Variants in DENND4A observed in about 807,000 individuals in gnomAD.
DENND4A encodes DENN domain containing 4A, also known as C-myc promoter-binding protein.
Under a neutral mutation model 199.3 loss-of-function variants are expected in DENND4A, and 70 were observed. The observed-to-expected ratio is 0.35, with a 90% CI of 0.29 to 0.43. The LOEUF is 0.43. Among genes scored for constraint, DENND4A ranks in the 20% least tolerant of loss-of-function variants. The pLI is 1.00. For missense variants in DENND4A, 1,723 were observed against 2,255.8 expected (o/e 0.76, Z 4.78); for synonymous variants, 686 against 766.9 (o/e 0.89, Z 1.74).
At chr15:65,767,209 A>C (rs1002937740) in intron 1 of DENND4A, 3 of 152,246 alleles carry the variant, frequency 2.0e-5, no homozygotes, top group Admixed American at 2.0e-4. Context: ...TTTTAGAGCT[A>C]GGAAGGTCCT....
At position 65,671,881 on chromosome 15, in the gene DENND4A, G is replaced by C. The variant is rs767280071; in HGVS notation, c.4375C>G (p.Leu1459Val). The change falls in exon 25 of 33, where the codon CTG becomes GTG. Residue 1459 changes from leucine to valine, a missense_variant. This residue lies in a region of DENND4A where 650 missense variants were observed against 738.1 expected (regional missense o/e 0.88). Transcript: ENST00000443035. ...LESSASLEGSLSKFALPGKSE... is the reference protein window; with the variant it reads ...LESSASLEGSVSKFALPGKSE... Reference sequence around the variant, plus strand: ...TTCCCAGGTAAGGCAAACTTCGACAGAGATCCTGTTCATTAGTGAAAAACA... The same window carrying C: ...TTCCCAGGTAAGGCAAACTTCGACACAGATCCTGTTCATTAGTGAAAAACA... The C allele has an allele frequency of 6.3e-7, 1 of 1,595,030 alleles. No homozygotes were observed. Among genetic ancestry groups the C allele is most frequent in the Non-Finnish European group, 8.6e-7 (1 of 1,162,860 alleles).
intron 1 of DENND4A, among the ~76,000 whole-genome samples, chr15:65,764,043 T>C (rs2076921305): frequency 6.6e-6 from 1 of 152,232 alleles, no homozygotes; most frequent in Non-Finnish European, 1.5e-5. Context: ...GAAAATTATT[T>C]ATTTTATTGG....
chr15:65,728,467 CTTTTTCTT>C (rs1168019189), intron 11 of DENND4A, among the ~76,000 whole-genome samples: 6 of 149,270 alleles, frequency 4.0e-5, no homozygotes, highest in Admixed American at 2.0e-4. Context: ...GGCTAAATTT[CTTTTTCTT>C]TTTTTCTTTT....
At chr15:65,756,524 C>G in intron 2 of DENND4A, 52 bp from the exon 3 acceptor site, 1 of 1,376,536 alleles carries the variant, frequency 7.3e-7, no homozygotes, top group Non-Finnish European at 9.8e-7. Context: ...AAAATAAATA[C>G]AAGTGGTTTG....
chr15:65,667,600 T>G lies in DENND4A; in HGVS notation c.5090A>C (p.Asn1697Thr). ...TACTGTTATTGCATGATCACCTTCA[T>G]TTTCCAATAAGCTTTCAAGTTCTTT... ...VWKELESLLENEGDHAITVAD... is the reference protein window; with the variant it reads ...VWKELESLLETEGDHAITVAD... Residue 1697 changes from asparagine to threonine, a missense_variant, in exon 29 of 33, where the codon AAT becomes ACT. By Grantham distance (65) the Asn-to-Thr change is moderately conservative (BLOSUM62 0). Transcript: ENST00000443035. 6.2e-7 allele frequency: 1 copy of G among 1,614,004 alleles called. No individual in the cohort carries two copies. The highest frequency in any genetic ancestry group is 8.5e-7 in the Non-Finnish European group (1 of 1,179,884).
intron 1 of DENND4A, among the ~76,000 whole-genome samples, chr15:65,764,739 C>G (rs1051506473): frequency 7.2e-5 from 11 of 151,752 alleles, no homozygotes; most frequent in African/African-American, 2.7e-4. Flanking sequence ...TCTGGGAGAC[C>G]GAGGCAGAAG....
chr15:65,767,587 C>A (rs1222623669), intron 1 of DENND4A, among the ~76,000 whole-genome samples: 4 of 152,142 alleles, frequency 2.6e-5, no homozygotes, highest in Admixed American at 2.0e-4. Context: ...GGATTACAGG[C>A]ATGAACCACC....
At chr15:65,709,874 T>C (rs2075194243) in intron 14 of DENND4A, among the ~76,000 whole-genome samples, 1 of 151,662 alleles carries the variant, frequency 6.6e-6, no homozygotes, top group Admixed American at 6.6e-5. Flanking sequence ...AAGTATAATG[T>C]TAATTCATAT....
intron 2 of DENND4A, among the ~76,000 whole-genome samples, chr15:65,760,784 G>C (rs2076833777): frequency 6.6e-6 from 1 of 152,018 alleles, no homozygotes; most frequent in South Asian, 2.1e-4. Flanking sequence ...AGCTACTTGA[G>C]AGGCTGAGGA....
At chr15:65,720,323 T>A (rs531284134) in intron 12 of DENND4A, among the ~76,000 whole-genome samples, 39 of 152,234 alleles carry the variant, frequency 2.6e-4, no homozygotes, top group Non-Finnish European at 3.8e-4. Flanking sequence ...GAACAATTAA[T>A]CGTCTTCGAG....
intron 32 of DENND4A, 123 bp from the exon 33 acceptor site, chr15:65,662,110 T>A: frequency 1.3e-6 from 1 of 799,344 alleles, no homozygotes; most frequent in Middle Eastern, 3.0e-4. Context: ...GCTAGGACAT[T>A]TCTTTATCCA....
chr15:65,712,787 TTAAA>T (rs898550374), intron 14 of DENND4A, among the ~76,000 whole-genome samples: 16 of 152,158 alleles, frequency 1.1e-4, no homozygotes, highest in Admixed American at 9.2e-4. Flanking sequence ...ATGGACTTCT[TTAAA>T]TAATCTTAAC....
At chr15:65,786,016 T>C (rs1409206078) in intron 1 of DENND4A, among the ~76,000 whole-genome samples, 2 of 152,178 alleles carry the variant, frequency 1.3e-5, no homozygotes, top group East Asian at 3.8e-4. Context: ...AGAAATTGTT[T>C]GCAATATCCT....
At position 65,691,044 on chromosome 15, in the gene DENND4A, T is replaced by C. The variant is rs775890010; in HGVS notation, c.3550A>G (p.Thr1184Ala). Residue 1184 changes from threonine to alanine, a missense_variant, in exon 23 of 33, where the codon ACA becomes GCA. Transcript: ENST00000443035. ...CGTTGAATCCTCTTGGGATTTTGTG[T>C]AGCAACACATCCTGCTTTTGATACA... The part of the protein sequence containing the change: ...TDVSKAGCVA[T>A]QNPKRIQRMN... 67 of 1,612,578 alleles carry C rather than the reference T, an allele frequency of 4.2e-5. No individual in the cohort carries two copies. Among genetic ancestry groups the C allele is most frequent in the South Asian group, 2.7e-4 (25 of 90,930 alleles).
intron 32 of DENND4A, among the ~76,000 whole-genome samples, chr15:65,663,585 C>T (rs2075944099): frequency 6.6e-6 from 1 of 151,940 alleles, no homozygotes; most frequent in South Asian, 2.1e-4. Context: ...TTGATTTTTC[C>T]AGCTCTGCCC....
At chr15:65,723,906 T>A (rs999069494) in intron 11 of DENND4A, among the ~76,000 whole-genome samples, 18 of 152,158 alleles carry the variant, frequency 1.2e-4, no homozygotes, top group African/African-American at 4.3e-4. Flanking sequence ...TATTGTATCT[T>A]TGTTTCTGGG....
At chr15:65,718,720 C>CT (rs2140284110) in intron 12 of DENND4A, among the ~76,000 whole-genome samples, 1 of 146,134 alleles carries the variant, frequency 6.8e-6, no homozygotes, top group African/African-American at 2.5e-5. Flanking sequence ...ATTTCAAAAA[C>CT]TGCCCCCCTT....
rs2075840685 is a variant in DENND4A at position 65,661,385 on chromosome 15, TA to T, written c.*465del. On this transcript the variant is annotated 3_prime_UTR_variant, in exon 33 of 33. Transcript: ENST00000443035. ...AGTTTGCTATATTAAATTTAAAAAT[TA>T]AAAAAATATCAACTTACTATAAACA... 6.6e-6 allele frequency: 1 copy of T among 152,214 alleles called. No individual in the cohort carries two copies. The highest frequency in any genetic ancestry group is 6.5e-5 in the Admixed American group (1 of 15,282). The allele number at this position is 152,214 out of a possible 1,614,324, so 9.4% of individuals were successfully genotyped here. A position where few individuals can be genotyped will look rare whatever the true frequency, so the allele number is the denominator to read the frequency against.
chr15:65,701,507 C>T (rs1368474951), intron 18 of DENND4A, among the ~76,000 whole-genome samples: 1 of 152,096 alleles, frequency 6.6e-6, no homozygotes, highest in African/African-American at 2.4e-5. Flanking sequence ...GTCAAGGCTA[C>T]AGTGAACCAT....
Sources: gnomAD v4.1 joint callset for allele counts (sites outside exome capture counted in the v4.1 genomes callset) on GRCh38, gnomAD v4.1.1 for gene constraint, gnomAD v4.1.1 regional missense constraint, MANE v1.5 for transcripts, NCBI Gene and HGNC (gene_info 2026-07-23, HGNC 2026-07-21) for gene names.